MAGI2: variants seen among roughly 807,000 people sequenced by gnomAD.
MAGI2 encodes the protein membrane associated guanylate kinase, WW and PDZ domain containing 2.
In MAGI2, 35 loss-of-function variants were observed where a neutral mutation model predicts 133.3. The ratio of observed to expected loss-of-function variants is 0.26; its 90% CI spans 0.20 to 0.35. The LOEUF is 0.35. Among genes scored for constraint, MAGI2 ranks in the 10% least tolerant of loss-of-function variants. The pLI, the probability that MAGI2 is intolerant of heterozygous loss-of-function variation, is 1.00. For missense variants in MAGI2, 1,636 were observed against 1,863.4 expected (o/e 0.88, Z 2.25); for synonymous variants, 729 against 710.6 (o/e 1.03, Z -0.41).
intron 15 of MAGI2, among the ~76,000 whole-genome samples, chr7:78,163,513 G>A (rs112476686): frequency 2.0e-5 from 3 of 152,086 alleles, no homozygotes; most frequent in African/African-American, 7.2e-5. Context: ...GCTAAGAGAG[G>A]GTCTCCCATT....
intron 1 of MAGI2, among the ~76,000 whole-genome samples, chr7:79,409,227 A>T (rs28459297): frequency 0.24 from 35,379 of 148,946 alleles, 5,153 homozygotes; most frequent in African/African-American, 0.41. Flanking sequence ...AATTAAAAAA[A>T]TTTTTTTTCA....
chr7:78,862,725 T>G (rs1180513608), intron 2 of MAGI2, among the ~76,000 whole-genome samples: 2 of 152,186 alleles, frequency 1.3e-5, no homozygotes, highest in Admixed American at 1.3e-4. Context: ...ATCACTTAAT[T>G]TAGGAAAAGA....
At chr7:78,543,305 A>G (rs1798560990) in intron 3 of MAGI2, among the ~76,000 whole-genome samples, 2 of 152,232 alleles carry the variant, frequency 1.3e-5, no homozygotes, top group South Asian at 2.1e-4. Flanking sequence ...ACAGCTATTC[A>G]GTTCAGCTCC....
chr7:78,090,033 G>A (rs918088772), intron 20 of MAGI2, among the ~76,000 whole-genome samples: 2 of 152,010 alleles, frequency 1.3e-5, no homozygotes, highest in African/African-American at 2.4e-5. Flanking sequence ...TTCCTTCCTC[G>A]GCATTTTTGC....
chr7:78,598,313 T>C (rs1407361175), intron 3 of MAGI2, among the ~76,000 whole-genome samples: 1 of 151,992 alleles, frequency 6.6e-6, no homozygotes, highest in Non-Finnish European at 1.5e-5. Flanking sequence ...GCTCTGGAAA[T>C]ATATTAGACG....
In MAGI2 at chr7:79,152,517, A is replaced by G. The variant is rs116549928; in HGVS notation, c.302-145311T>C. ...TTATGCAAGTAAGTGCTATTTGGCTACAATTCATCACTAGCACAAAACACA... is the reference window on the plus strand; with the variant it reads ...TTATGCAAGTAAGTGCTATTTGGCTGCAATTCATCACTAGCACAAAACACA... On this transcript the variant is annotated intron_variant, in intron 1 of 21. Coordinates refer to ENST00000354212, the MANE Select transcript of MAGI2 (RefSeq NM_012301.4). Among the ~76,000 whole-genome samples the G allele has an allele frequency of 5.6e-3, 847 of 152,382 alleles. 12 individuals carry two copies. The highest frequency in any genetic ancestry group is 0.019 in the African/African-American group (807 of 41,596).
intron 3 of MAGI2, among the ~76,000 whole-genome samples, chr7:78,574,300 C>A (rs1191166879): frequency 6.6e-6 from 1 of 152,200 alleles, no homozygotes; most frequent in Non-Finnish European, 1.5e-5. Context: ...ATTACAATTT[C>A]TGTTGCTCCC....
intron 2 of MAGI2, among the ~76,000 whole-genome samples, chr7:78,800,146 T>A (rs1260191866): frequency 6.6e-6 from 1 of 152,162 alleles, no homozygotes; most frequent in African/African-American, 2.4e-5. Context: ...TTAATATCCA[T>A]AGATTCCAAT....
chr7:78,934,662 T>C (rs948218745), intron 2 of MAGI2, among the ~76,000 whole-genome samples: 2 of 152,116 alleles, frequency 1.3e-5, no homozygotes, highest in Non-Finnish European at 2.9e-5. Flanking sequence ...AAGGTATATA[T>C]AAAATATAAA....
At chr7:78,614,829 G>C (rs1806897302) in intron 3 of MAGI2, 1 of 152,126 alleles carries the variant, frequency 6.6e-6, no homozygotes, top group African/African-American at 2.4e-5. Context: ...GAATATTCTA[G>C]CCTTTCCCTT....
At chr7:78,661,992 T>C (rs923440627) in intron 2 of MAGI2, among the ~76,000 whole-genome samples, 8 of 152,192 alleles carry the variant, frequency 5.3e-5, no homozygotes, top group African/African-American at 1.9e-4. Context: ...GTAGGCTGTG[T>C]AGGGGTGGGA....
chr7:79,281,407 G>T (rs1262791982), intron 1 of MAGI2, among the ~76,000 whole-genome samples: 1 of 151,990 alleles, frequency 6.6e-6, no homozygotes, highest in Non-Finnish European at 1.5e-5. Flanking sequence ...AAAAAAGCTG[G>T]CTTTGATGTA....
intron 6 of MAGI2, among the ~76,000 whole-genome samples, chr7:78,388,402 C>T (rs560511936): frequency 3.3e-5 from 5 of 151,780 alleles, no homozygotes; most frequent in South Asian, 4.2e-4. Flanking sequence ...TTAGAGTGTG[C>T]GGCAGGTAAA....
intron 6 of MAGI2, among the ~76,000 whole-genome samples, chr7:78,482,511 T>C (rs75756500): frequency 0.044 from 6,674 of 151,928 alleles, 503 homozygotes; most frequent in East Asian, 0.37. Context: ...AGTCCTTCAA[T>C]GGGTACCCTA....
intron 2 of MAGI2, among the ~76,000 whole-genome samples, chr7:78,933,629 G>T (rs1800301590): frequency 6.6e-6 from 1 of 152,106 alleles, no homozygotes; most frequent in Non-Finnish European, 1.5e-5. Flanking sequence ...TAGCTGAGAT[G>T]GTTCTAAATC....
At chr7:78,563,376 A>C (rs1258670324) in intron 3 of MAGI2, among the ~76,000 whole-genome samples, 1 of 152,170 alleles carries the variant, frequency 6.6e-6, no homozygotes, top group Non-Finnish European at 1.5e-5. Flanking sequence ...GGCAGCATGC[A>C]CCTTCCCGTG....
intron 6 of MAGI2, among the ~76,000 whole-genome samples, chr7:78,408,069 T>A (rs1329072483): frequency 6.6e-6 from 1 of 152,060 alleles, no homozygotes; most frequent in Non-Finnish European, 1.5e-5. Flanking sequence ...AATTTGCAAC[T>A]CCCTCCCTTC....
At chr7:79,070,782 C>T (rs774969318) in intron 1 of MAGI2, among the ~76,000 whole-genome samples, 8 of 152,020 alleles carry the variant, frequency 5.3e-5, no homozygotes, top group Non-Finnish European at 8.8e-5. Context: ...TGAGCCACCG[C>T]GCCCAGCCCA....
chr7:78,028,979 CTGAG>C (rs1156570170), intron 21 of MAGI2, among the ~76,000 whole-genome samples: 1 of 152,062 alleles, frequency 6.6e-6, no homozygotes, highest in East Asian at 1.9e-4. Context: ...GGATAACTGA[CTGAG>C]TAACTCTAGA....
Sources: gnomAD v4.1 joint callset for allele counts (sites outside exome capture counted in the v4.1 genomes callset) on GRCh38, gnomAD v4.1.1 for gene constraint, MANE v1.5 for transcripts, NCBI Gene and HGNC (gene_info 2026-07-23, HGNC 2026-07-21) for gene names.